The following SCN10A variants were observed in gnomAD, a reference collection of about 807,000 sequenced individuals.
SCN10A encodes sodium channel protein type 10 subunit alpha.
A neutral mutation model predicts 170.7 loss-of-function variants in SCN10A; 162 were observed. The ratio of observed to expected loss-of-function variants is 0.95; its 90% CI spans 0.84 to 1.08. SCN10A has a LOEUF of 1.08. SCN10A is among the 50% of genes least tolerant of loss of function. The pLI, the probability that SCN10A is intolerant of heterozygous loss-of-function variation, is 0.00. For synonymous variants in SCN10A, 985 were observed against 904.6 expected (o/e 1.09, Z -1.59); for missense variants, 2,527 against 2,436.9 (o/e 1.04, Z -0.78).
rs2064417127 is a variant in SCN10A at position 38,808,143 on chromosome 3, A to G, written c.-33+7894T>C. Among the ~76,000 whole-genome samples, 3 of 152,110 alleles carry G rather than the reference A, an allele frequency of 2.0e-5. No individual in the cohort carries two copies. The South Asian group carries it at 6.2e-4, about 32-fold the overall frequency. On this transcript the variant is annotated intron_variant, in intron 1 of 27. Coordinates refer to ENST00000449082, the MANE Select transcript of SCN10A (RefSeq NM_006514.4). ...TGGTCCCTGCCCATCACCTCCTTGT[A>G]CATCACCCTTTTCCTTGTTTCCCCC... is the stretch of plus-strand genomic sequence containing the variant.
rs956035842 is a variant in SCN10A at position 38,697,166 on chromosome 3, C to A, written c.*183G>T. ...TGGAAGTGCTCTTAGCTTCTGACTC[C>A]TATTTGTGTATGATGGTTTTTTCAA... On this transcript the variant is annotated 3_prime_UTR_variant, in exon 28 of 28. Coordinates refer to ENST00000449082, the MANE Select transcript of SCN10A (RefSeq NM_006514.4). The A allele has an allele frequency of 3.5e-6, 3 of 862,174 alleles. No homozygotes were observed. The highest frequency in any genetic ancestry group is 3.6e-4 in the Middle Eastern group (1 of 2,816). 53.4% of individuals were successfully genotyped at this position (862,174 alleles called of 1,614,324 possible). A position where few individuals can be genotyped will look rare whatever the true frequency, so the allele number is the denominator to read the frequency against.
At chr3:38,733,341 C>T (rs6800541) in intron 15 of SCN10A, among the ~76,000 whole-genome samples, 105,854 of 151,974 alleles carry the variant, frequency 0.7, 38,356 homozygotes, top group African/African-American at 0.91. Context: ...GGCTATGATA[C>T]GAGTGAGAAA....
intron 13 of SCN10A, among the ~76,000 whole-genome samples, chr3:38,744,606 C>T (rs2063668243): frequency 6.6e-6 from 1 of 151,908 alleles, no homozygotes; most frequent in South Asian, 2.1e-4. Context: ...CACTACAAGG[C>T]TTGGAAAATA....
chr3:38,760,683 T>G lies in SCN10A; in HGVS notation c.948A>C (p.Ser316=). 6.2e-7 allele frequency: 1 copy of G among 1,613,128 alleles called. No individual in the cohort carries two copies. Among genetic ancestry groups the G allele is most frequent in the Middle Eastern group, 1.6e-4 (1 of 6,062 alleles). The part of the protein sequence containing the change: ...DPLLCGNGSD[S]GHCPDGYICL... ...TTTGTCATAAGTTGGGAACTCACCCTGAGTCAGATCCATTGCCACACAGTA... is the reference window on the plus strand; with the variant it reads ...TTTGTCATAAGTTGGGAACTCACCCGGAGTCAGATCCATTGCCACACAGTA... Residue 316 remains serine (S), a splice_region_variant and synonymous_variant, in exon 8 of 28, where the codon TCA becomes TCC. Transcript: ENST00000449082.
chr3:38,747,192 C>T (rs1232799898), intron 13 of SCN10A, among the ~76,000 whole-genome samples: 2 of 152,164 alleles, frequency 1.3e-5, no homozygotes, highest in African/African-American at 4.8e-5. Context: ...TCTACTGTCA[C>T]AGCATCTTCC....
At chr3:38,741,553 G>A (rs1384938710) in intron 14 of SCN10A, among the ~76,000 whole-genome samples, 1 of 152,198 alleles carries the variant, frequency 6.6e-6, no homozygotes, top group East Asian at 1.9e-4. Flanking sequence ...AAGCATCTGA[G>A]TATTATTACT....
chr3:38,752,177 T>G, intron 12 of SCN10A, 42 bp downstream of exon 12: 1 of 1,456,732 alleles, frequency 6.9e-7, no homozygotes, highest in Non-Finnish European at 9.1e-7. Context: ...GGCTTCTAGG[T>G]GGAAGACAGC....
At position 38,752,356 on chromosome 3, in the gene SCN10A, C is replaced by T. The variant is rs779182285; in HGVS notation, c.1618G>A (p.Gly540Ser). Residue 540 changes from glycine to serine, a missense_variant, in exon 12 of 28, where the codon GGT becomes AGT. Gly to Ser is a moderately conservative substitution (Grantham distance 56, BLOSUM62 0). Transcript: ENST00000449082. ...HESHRGSLLL[G>S]GGAGQQGPLP... ...GGGCCTTGCTGGCCAGCACCCCCACCCAGCAGCAGAGAGCCCCGATGGCTT... is the reference window on the plus strand; with the variant it reads ...GGGCCTTGCTGGCCAGCACCCCCACTCAGCAGCAGAGAGCCCCGATGGCTT... 6 of 1,613,624 alleles carry T rather than the reference C, an allele frequency of 3.7e-6. No homozygotes were observed. The highest frequency in any genetic ancestry group is 4.2e-6 in the Non-Finnish European group (5 of 1,179,844).
chr3:38,806,265 G>T (rs534641886), intron 1 of SCN10A, among the ~76,000 whole-genome samples: 3 of 152,280 alleles, frequency 2.0e-5, no homozygotes, highest in Admixed American at 2.0e-4. Context: ...ACGAAGATGA[G>T]GAGGATAAAT....
intron 15 of SCN10A, among the ~76,000 whole-genome samples, chr3:38,734,408 A>C (rs1483601146): frequency 6.6e-6 from 1 of 152,238 alleles, no homozygotes; most frequent in Non-Finnish European, 1.5e-5. Context: ...AAAATTATAG[A>C]TCAAATATTA....
Position 38,761,402 on chromosome 3 carries a change from G to A in SCN10A, c.692-19C>T. 1 of 1,605,094 alleles carries A rather than the reference G, an allele frequency of 6.2e-7. No individual in the cohort carries two copies. The highest frequency in any genetic ancestry group is 8.5e-7 in the Non-Finnish European group (1 of 1,174,634). ...TTCAGGCCTGCGGGAAGATGACAGT[G>A]GTATGACCACATGGATGAGGTAGCA... On this transcript the variant is annotated intron_variant, in intron 6 of 27. Coordinates refer to ENST00000449082, the MANE Select transcript of SCN10A (RefSeq NM_006514.4).
chr3:38,767,554 T>C (rs1297363084), intron 5 of SCN10A, among the ~76,000 whole-genome samples: 1 of 151,974 alleles, frequency 6.6e-6, no homozygotes, highest in Non-Finnish European at 1.5e-5. Flanking sequence ...GTTTTGAGGG[T>C]TTCTTTTGGA....
At chr3:38,793,714 G>A in intron 2 of SCN10A, 27 bp downstream of exon 2, 1 of 1,601,370 alleles carries the variant, frequency 6.2e-7, no homozygotes, top group South Asian at 1.1e-5. Context: ...AGAGCTGAGA[G>A]CAGACATTCC....
Position 38,755,908 on chromosome 3 carries a change from T to C in SCN10A, c.1341A>G (p.Gly447=). 6.2e-7 allele frequency: 1 copy of C among 1,614,220 alleles called. No homozygotes were observed. Among genetic ancestry groups the C allele is most frequent in the Non-Finnish European group, 8.5e-7 (1 of 1,180,028 alleles). Residue 447 remains glycine, a synonymous_variant, in exon 11 of 28, where the codon GGA becomes GGG. Coordinates refer to ENST00000449082, the MANE Select transcript of SCN10A (RefSeq NM_006514.4). Reference sequence around the variant, plus strand: ...TGGCATTTTTGGAGGTTAAAGGTGATCCATTGTGGGAGTGGAGAGAGGTTG... The same window carrying C: ...TGGCATTTTTGGAGGTTAAAGGTGACCCATTGTGGGAGTGGAGAGAGGTTG... The part of the protein sequence containing the change: ...IDTTSLHSHN[G]SPLTSKNASE...
chr3:38,770,814 A>G (rs564683716), intron 5 of SCN10A, among the ~76,000 whole-genome samples: 17 of 152,234 alleles, frequency 1.1e-4, no homozygotes, highest in Admixed American at 5.2e-4. Context: ...GCCTTCCCCA[A>G]GGGTGCCTGT....
intron 23 of SCN10A, 147 bp downstream of exon 23, chr3:38,712,014 G>T: frequency 1.4e-6 from 1 of 729,472 alleles, no homozygotes; most frequent in Non-Finnish European, 2.3e-6. Flanking sequence ...GCCTCATGGT[G>T]TAGTCTGTAG....
intron 22 of SCN10A, among the ~76,000 whole-genome samples, chr3:38,713,032 A>T (rs373153845): frequency 3.3e-5 from 5 of 152,328 alleles, no homozygotes; most frequent in African/African-American, 1.2e-4. Flanking sequence ...CTTCCAGCCA[A>T]TGATAGTGGA....
At chr3:38,813,959 T>C (rs2064456229) in intron 1 of SCN10A, among the ~76,000 whole-genome samples, 1 of 152,208 alleles carries the variant, frequency 6.6e-6, no homozygotes, top group Non-Finnish European at 1.5e-5. Context: ...ACTGGGCTGC[T>C]AATATGTGCA....
In SCN10A at chr3:38,698,536, A is replaced by T. The variant is rs1178548561; in HGVS notation, c.4684T>A (p.Ser1562Thr). Residue 1562 changes from serine to threonine, a missense_variant, in exon 28 of 28, where the codon TCA (serine) becomes ACA (threonine). Transcript: ENST00000449082. The stretch of plus-strand genomic sequence containing the variant: ...GTTGGGGAGAAGTAACTTTGAAGTG[A>T]CTTAAGAATTGCAGAAAAAATCAGG... ...ASLIFSAILK[S>T]LQSYFSPTLF... 1 of 1,611,014 alleles carries T rather than the reference A, an allele frequency of 6.2e-7. No individual in the cohort carries two copies. Among genetic ancestry groups the T allele is most frequent in the Admixed American group, 1.7e-5 (1 of 59,924 alleles).
Sources: allele counts gnomAD v4.1 joint callset (sites outside exome capture counted in the v4.1 genomes callset), GRCh38; gene constraint gnomAD v4.1.1; transcripts MANE v1.5; gene names NCBI Gene and HGNC (gene_info 2026-07-23, HGNC 2026-07-21).